Variants in KCNAB1 observed in about 807,000 individuals in gnomAD.
KCNAB1 encodes voltage-gated potassium channel subunit beta-1.
KCNAB1 carries 35 observed loss-of-function variants against 64.6 expected under a neutral mutation model. That is an observed-to-expected ratio of 0.54 (90% CI 0.41 to 0.72). The LOEUF is 0.72. KCNAB1 is among the 30% of genes least tolerant of loss of function. The pLI, the probability that KCNAB1 is intolerant of heterozygous loss-of-function variation, is 0.00. For missense variants in KCNAB1, 401 were observed against 512.9 expected, an observed-to-expected ratio of 0.78 and a Z score of 2.11; for synonymous variants, 177 against 183.8, an observed-to-expected ratio of 0.96 and a Z score of 0.30.
chr3:156,277,440 A>G (rs1427887768), intron 1 of KCNAB1, among the ~76,000 whole-genome samples: 1 of 152,158 alleles, frequency 6.6e-6, no homozygotes, highest in Non-Finnish European at 1.5e-5. Flanking sequence ...TTTATAAAAA[A>G]TGCAGTATGT....
chr3:156,495,148 T>G (rs1017116709), intron 8 of KCNAB1, among the ~76,000 whole-genome samples: 1 of 151,334 alleles, frequency 6.6e-6, no homozygotes, highest in South Asian at 2.1e-4. Flanking sequence ...CTGCATTAGT[T>G]TGCTAGAGAT....
intron 1 of KCNAB1, among the ~76,000 whole-genome samples, chr3:156,152,234 G>A (rs1332129168): frequency 6.6e-6 from 1 of 152,238 alleles, no homozygotes; most frequent in African/African-American, 2.4e-5. Flanking sequence ...GAGGGTGGGT[G>A]TTAGTGGTAG....
intron 1 of KCNAB1, among the ~76,000 whole-genome samples, chr3:156,190,919 C>T (rs1358921989): frequency 6.6e-6 from 1 of 152,162 alleles, no homozygotes; most frequent in Non-Finnish European, 1.5e-5. Context: ...TCTCAAACTC[C>T]TGACCTCAGG....
intron 2 of KCNAB1, among the ~76,000 whole-genome samples, chr3:156,446,378 G>C (rs899579779): frequency 6.6e-6 from 1 of 152,184 alleles, no homozygotes; most frequent in Non-Finnish European, 1.5e-5. Flanking sequence ...CATTGAACAT[G>C]TTAATTTTAC....
At chr3:156,242,070 C>G (rs1717191014) in intron 1 of KCNAB1, among the ~76,000 whole-genome samples, 1 of 152,150 alleles carries the variant, frequency 6.6e-6, no homozygotes, top group Non-Finnish European at 1.5e-5. Flanking sequence ...TATCGAATCT[C>G]TTTTTGGCTC....
chr3:156,132,802 T>C (rs1451475892), intron 1 of KCNAB1, among the ~76,000 whole-genome samples: 1 of 152,218 alleles, frequency 6.6e-6, no homozygotes, highest in East Asian at 1.9e-4. Context: ...ACAGACAAGA[T>C]AATCACTTTG....
At chr3:156,485,260 T>G (rs2720284) in intron 8 of KCNAB1, among the ~76,000 whole-genome samples, 87,545 of 151,936 alleles carry the variant, frequency 0.58, 26,867 homozygotes, top group African/African-American at 0.79. Context: ...TCCCCCAACT[T>G]TTTATTTTGA....
chr3:156,387,141 A>T (rs1177608279), intron 1 of KCNAB1, among the ~76,000 whole-genome samples: 4 of 151,674 alleles, frequency 2.6e-5, no homozygotes, highest in Non-Finnish European at 5.9e-5. Flanking sequence ...AGATGTGGCC[A>T]GGGTGATTGA....
chr3:156,344,801 T>G (rs1333526742), intron 1 of KCNAB1, among the ~76,000 whole-genome samples: 1 of 152,130 alleles, frequency 6.6e-6, no homozygotes, highest in South Asian at 2.1e-4. Context: ...GTTTGTAAGT[T>G]TGTGTTCTGA....
intron 11 of KCNAB1, among the ~76,000 whole-genome samples, chr3:156,517,095 A>G (rs1052550492): frequency 1.3e-5 from 2 of 152,234 alleles, no homozygotes; most frequent in African/African-American, 4.8e-5. Context: ...ATTACTCTCT[A>G]TTGTCAAGGG....
intron 1 of KCNAB1, among the ~76,000 whole-genome samples, chr3:156,178,001 G>T (rs1036592853): frequency 6.6e-6 from 1 of 152,192 alleles, no homozygotes; most frequent in Non-Finnish European, 1.5e-5. Context: ...CTCCCAAAGC[G>T]CTGGGATTAC....
chr3:156,344,655 G>T (rs1022407004), intron 1 of KCNAB1, among the ~76,000 whole-genome samples: 8 of 152,152 alleles, frequency 5.3e-5, no homozygotes. Context: ...AGTGGGCCTG[G>T]GATGGTTTTG....
chr3:156,288,418 T>C (rs1720213100), intron 1 of KCNAB1, among the ~76,000 whole-genome samples: 1 of 152,196 alleles, frequency 6.6e-6, no homozygotes, highest in South Asian at 2.1e-4. Context: ...AAACCTGAAA[T>C]GATAGCAGTG....
At chr3:156,396,354 T>C (rs939641277) in intron 1 of KCNAB1, among the ~76,000 whole-genome samples, 2 of 152,214 alleles carry the variant, frequency 1.3e-5, no homozygotes, top group Non-Finnish European at 2.9e-5. Context: ...ATTTAAAAAC[T>C]ATAAAGTTAA....
At chr3:156,221,614 C>G (rs997086536) in intron 1 of KCNAB1, among the ~76,000 whole-genome samples, 3 of 151,964 alleles carry the variant, frequency 2.0e-5, no homozygotes, top group African/African-American at 7.3e-5. Flanking sequence ...CCTGTCTGTA[C>G]TAAAAATACA....
At chr3:156,443,767 C>CACACAT (rs1717184422) in intron 2 of KCNAB1, among the ~76,000 whole-genome samples, 1 of 151,618 alleles carries the variant, frequency 6.6e-6, no homozygotes, top group African/African-American at 2.4e-5. Flanking sequence ...CACACACACA[C>CACACAT]ACACACACAC....
chr3:156,353,888 G>A (rs1402611631), intron 1 of KCNAB1, among the ~76,000 whole-genome samples: 1 of 152,084 alleles, frequency 6.6e-6, no homozygotes, highest in Non-Finnish European at 1.5e-5. Flanking sequence ...TCCAGCCCAT[G>A]CTCAAAGGGA....
Position 156,531,468 on chromosome 3 carries a change from C to G in KCNAB1, c.1141C>G (p.Gln381Glu). The change falls in exon 13 of 14, where the codon CAA (glutamine) becomes GAA (glutamate). Residue 381 changes from glutamine to glutamate, a missense_variant. Physicochemically the swap from Gln to Glu is conservative, Grantham distance 29. Coordinates refer to ENST00000490337, the MANE Select transcript of KCNAB1 (RefSeq NM_172160.3). ...GCTCCTGGGATCATCCACTCCTGAACAACTCATTGAAAACCTTGGTGCCAT... is the reference window on the plus strand; with the variant it reads ...GCTCCTGGGATCATCCACTCCTGAAGAACTCATTGAAAACCTTGGTGCCAT... ...SVLLGSSTPE[Q>E]LIENLGAIQV... 1 of 1,614,000 alleles carries G rather than the reference C, an allele frequency of 6.2e-7. No individual in the cohort carries two copies. The highest frequency in any genetic ancestry group is 8.5e-7 in the Non-Finnish European group (1 of 1,179,830).
chr3:156,168,782 T>A (rs1439035850), intron 1 of KCNAB1, among the ~76,000 whole-genome samples: 2 of 152,244 alleles, frequency 1.3e-5, no homozygotes, highest in African/African-American at 4.8e-5. Context: ...AAACTTGATC[T>A]CTAATGTAGA....
Sources: gnomAD v4.1 joint callset for allele counts (sites outside exome capture counted in the v4.1 genomes callset) on GRCh38, gnomAD v4.1.1 for gene constraint, MANE v1.5 for transcripts, NCBI Gene and HGNC (gene_info 2026-07-23, HGNC 2026-07-21) for gene names.